Variants in OLAH observed in about 807,000 individuals in gnomAD.
OLAH encodes the protein S-acyl fatty acid synthase thioesterase, medium chain.
In OLAH, 33 loss-of-function variants were observed where a neutral mutation model predicts 27.8. The observed-to-expected ratio is 1.19, with a 90% CI of 0.90 to 1.59. OLAH has a LOEUF of 1.59. Among genes scored for constraint, OLAH ranks in the 40% most tolerant of loss-of-function variants. OLAH has a pLI of 0.00. For synonymous variants in OLAH, 120 were observed against 102.9 expected (o/e 1.17, Z -1.01); for missense variants, 359 against 310.8 (o/e 1.16, Z -1.17).
chr10:15,040,224 C>G (rs1358591156), upstream of OLAH, among the ~76,000 whole-genome samples: 2 of 152,106 alleles, frequency 1.3e-5, no homozygotes, highest in Non-Finnish European at 2.9e-5. Context: ...TATGGGGCAC[C>G]CTCAATTCTC....
intron 6 of OLAH, among the ~76,000 whole-genome samples, chr10:15,069,532 T>A (rs1844538888): frequency 6.6e-6 from 1 of 152,086 alleles, no homozygotes; most frequent in Non-Finnish European, 1.5e-5. Context: ...CTCGCCTCAC[T>A]CCTAATTGTT....
At chr10:15,034,115 CTTT>C (rs1285548864) in intron 1 of OLAH, among the ~76,000 whole-genome samples, 1 of 77,874 alleles carries the variant, frequency 1.3e-5, no homozygotes, top group African/African-American at 4.4e-5. Flanking sequence ...TTTTTTTTTT[CTTT>C]TTTTTTTTTT....
intron 3 of OLAH, among the ~76,000 whole-genome samples, chr10:15,060,952 AGAT>A (rs1354249852): frequency 2.0e-5 from 3 of 152,136 alleles, no homozygotes; most frequent in Non-Finnish European, 2.9e-5. Flanking sequence ...TTGATTCTGG[AGAT>A]GCTTAGATTG....
At chr10:15,048,496 G>A (rs1233921056) in intron 2 of OLAH, among the ~76,000 whole-genome samples, 2 of 152,168 alleles carry the variant, frequency 1.3e-5, no homozygotes, top group Non-Finnish European at 2.9e-5. Context: ...GGGCTTACAG[G>A]CATGAGCCAC....
rs750037836 is a variant in OLAH at position 15,073,088 on chromosome 10, C to T, written c.657C>T (p.Ala219=). 34 of 1,611,800 alleles carry T rather than the reference C, an allele frequency of 2.1e-5. No individual in the cohort carries two copies. In the African/African-American group the frequency reaches 3.9e-4, roughly 18 times the overall value. Residue 219 remains alanine (A), a splice_region_variant and synonymous_variant, in exon 8 of 8, where the codon GCC becomes GCT. Transcript: ENST00000378228. ...GSEDIAKDME[A]WKDVTSGNAK... ...GAATACAATCTTGTTTATTTTCAGCCTGGAAAGATGTAACCAGTGGAAATG... is the reference window on the plus strand; with the variant it reads ...GAATACAATCTTGTTTATTTTCAGCTTGGAAAGATGTAACCAGTGGAAATG...
At chr10:15,048,014 A>C (rs752245557) in intron 2 of OLAH, among the ~76,000 whole-genome samples, 2 of 152,222 alleles carry the variant, frequency 1.3e-5, no homozygotes, top group Non-Finnish European at 2.9e-5. Flanking sequence ...TCATTATACT[A>C]GGGTTTAGAA....
In OLAH at chr10:15,047,263, G is replaced by A; in HGVS notation, c.-26G>A. The A allele has an allele frequency of 6.2e-7, 1 of 1,612,826 alleles. No individual in the cohort carries two copies. The highest frequency in any genetic ancestry group is 1.1e-5 in the South Asian group (1 of 90,802). On this transcript the variant is annotated 5_prime_UTR_variant, in exon 2 of 8. Coordinates refer to ENST00000378228, the MANE Select transcript of OLAH (RefSeq NM_001039702.3). ...AGCACTCAACACGCCACAGAGACCA[G>A]CCATCTTGCAACCTCACCTCACAGC...
intron 3 of OLAH, 127 bp from the exon 4 acceptor site, chr10:15,061,597 G>C (rs1192547355): frequency 1.2e-6 from 1 of 805,686 alleles, no homozygotes; most frequent in Non-Finnish European, 1.8e-6. Flanking sequence ...CTTTTACCTT[G>C]CTGGACTTAA....
At chr10:15,066,525 G>A (rs1209401818) in intron 6 of OLAH, among the ~76,000 whole-genome samples, 1 of 151,892 alleles carries the variant, frequency 6.6e-6, no homozygotes, top group East Asian at 1.9e-4. Flanking sequence ...TGGGATGTCT[G>A]TATAGACACT....
At chr10:15,066,302 A>G (rs939768383) in intron 6 of OLAH, among the ~76,000 whole-genome samples, 10 of 151,894 alleles carry the variant, frequency 6.6e-5, no homozygotes, top group African/African-American at 2.4e-4. Context: ...TTAGACATGT[A>G]TATTTTATCT....
At chr10:15,071,722 G>T in intron 6 of OLAH, 73 bp from the exon 7 acceptor site, 1 of 1,480,322 alleles carries the variant, frequency 6.8e-7, no homozygotes, top group South Asian at 1.2e-5. Flanking sequence ...AAGTTTCATT[G>T]ACATTAGGAA....
upstream of OLAH, among the ~76,000 whole-genome samples, chr10:15,041,160 C>T (rs371907308): frequency 5.9e-5 from 9 of 152,324 alleles, no homozygotes; most frequent in African/African-American, 1.4e-4. Context: ...GAGAAGTACC[C>T]GAAGCTTCTC....
At chr10:15,052,516 C>T (rs1844164231) in intron 3 of OLAH, among the ~76,000 whole-genome samples, 1 of 151,946 alleles carries the variant, frequency 6.6e-6, no homozygotes, top group Non-Finnish European at 1.5e-5. Flanking sequence ...GAAGCAATCC[C>T]TCCACCTTGG....
In OLAH at chr10:15,032,421, A is replaced by T. The variant is rs180808711; in HGVS notation, c.-164+71A>T. On this transcript the variant is annotated intron_variant, in intron 1 of 3. Transcript: ENST00000413672. ...TCCTATTAGTTCTGTCCCTCTAGAGAACCCTGACTAATACACCCCATCACT... is the reference window on the plus strand; with the variant it reads ...TCCTATTAGTTCTGTCCCTCTAGAGTACCCTGACTAATACACCCCATCACT... 1,030 of 149,642 alleles carry T rather than the reference A, an allele frequency of 6.9e-3. 12 individuals carry two copies. Among genetic ancestry groups the T allele is most frequent in the African/African-American group, 0.024 (979 of 40,532 alleles). 9.3% of individuals were successfully genotyped at this position (149,642 alleles called of 1,614,324 possible).
At chr10:15,072,962 C>T (rs976723167) in intron 7 of OLAH, 125 bp from the exon 8 acceptor site, 18 of 848,186 alleles carry the variant, frequency 2.1e-5, no homozygotes, top group Non-Finnish European at 3.4e-5. Flanking sequence ...TGCTTCATCA[C>T]CTAGAACATA....
chr10:15,033,029 C>G (rs987095362), intron 1 of OLAH, among the ~76,000 whole-genome samples: 2 of 145,230 alleles, frequency 1.4e-5, no homozygotes, highest in Non-Finnish European at 3.0e-5. Flanking sequence ...CCCACCACCA[C>G]AGTGGGCTAA....
At chr10:15,041,366 C>T (rs1379591917), upstream of OLAH, among the ~76,000 whole-genome samples, 2 of 151,880 alleles carry the variant, frequency 1.3e-5, no homozygotes, top group Non-Finnish European at 2.9e-5. Flanking sequence ...GCAACCTCTG[C>T]CTCCCAGGTC....
chr10:15,055,520 T>C (rs939068219), intron 3 of OLAH, among the ~76,000 whole-genome samples: 1 of 152,184 alleles, frequency 6.6e-6, no homozygotes, highest in East Asian at 1.9e-4. Context: ...CACTCTGATA[T>C]CAAGTCTCAA....
chr10:15,064,307 A>G lies in OLAH; in HGVS notation c.303-96A>G. ...CTTTCCTTTCATCTATTACATGATC[A>G]TTGTTGTGTTTATGATACTGTTCCT... On this transcript the variant is annotated intron_variant, in intron 4 of 7. Coordinates refer to ENST00000378228, the MANE Select transcript of OLAH (RefSeq NM_001039702.3). The G allele has an allele frequency of 4.3e-6, 3 of 690,436 alleles. No individual in the cohort carries two copies. In the South Asian group the frequency reaches 5.2e-5, roughly 12 times the overall value. The allele number at this position is 690,436 out of a possible 1,614,324, so 42.8% of individuals were successfully genotyped here. A position where few individuals can be genotyped will look rare whatever the true frequency, so the allele number is the denominator to read the frequency against.
Sources: gnomAD v4.1 joint callset for allele counts (sites outside exome capture counted in the v4.1 genomes callset) on GRCh38, gnomAD v4.1.1 for gene constraint, MANE v1.5 for transcripts, NCBI Gene and HGNC (gene_info 2026-07-23, HGNC 2026-07-21) for gene names.